Variants in TRPC4 observed in about 807,000 individuals in gnomAD.
TRPC4 encodes transient receptor potential cation channel subfamily C member 4.
Under a neutral mutation model 99.4 loss-of-function variants are expected in TRPC4, and 49 were observed. That is an observed-to-expected ratio of 0.49 (90% confidence interval 0.39 to 0.63). The LOEUF is 0.63. Among genes scored for constraint, TRPC4 ranks in the 20% least tolerant of loss-of-function variants. The pLI is 0.00. For synonymous variants in TRPC4, 454 were observed against 425.9 expected (o/e 1.07, Z -0.81); for missense variants, 898 against 1,152.9 (o/e 0.78, Z 3.20).
chr13:37,671,159 T>C (rs1376075207), intron 5 of TRPC4, among the ~76,000 whole-genome samples: 1 of 152,204 alleles, frequency 6.6e-6, no homozygotes, highest in Non-Finnish European at 1.5e-5. Context: ...ATTAGCTTCT[T>C]GATTCACATA....
intron 3 of TRPC4, among the ~76,000 whole-genome samples, chr13:37,723,927 C>T (rs2139047231): frequency 6.6e-6 from 1 of 152,090 alleles, no homozygotes; most frequent in African/African-American, 2.4e-5. Context: ...TGGAACTATT[C>T]CTTTCTAAAA....
At chr13:37,841,269 A>T (rs1958723037) in intron 1 of TRPC4, among the ~76,000 whole-genome samples, 1 of 152,128 alleles carries the variant, frequency 6.6e-6, no homozygotes, top group Admixed American at 6.6e-5. Flanking sequence ...TGGCATACCC[A>T]TCTATTGAAC....
chr13:37,633,528 T>C lies in TRPC4; in HGVS notation c.*3375A>G, dbSNP rs1261439376. 6.6e-6 allele frequency among the ~76,000 whole-genome samples: 1 copy of C among 152,190 alleles called. No homozygotes were observed. Among genetic ancestry groups the C allele is most frequent in the African/African-American group, 2.4e-5 (1 of 41,462 alleles). On this transcript the variant is annotated 3_prime_UTR_variant, in exon 11 of 11. Coordinates refer to ENST00000379705, the MANE Select transcript of TRPC4 (RefSeq NM_016179.4). Reference sequence around the variant, plus strand: ...GATTATTGAATGTTAGAAGAATATATTCTTATGCTATTGTTACTTATGTTT... The same window carrying C: ...GATTATTGAATGTTAGAAGAATATACTCTTATGCTATTGTTACTTATGTTT...
intron 4 of TRPC4, among the ~76,000 whole-genome samples, chr13:37,679,362 GA>G (rs1246238104): frequency 6.6e-6 from 1 of 152,032 alleles, no homozygotes; most frequent in Non-Finnish European, 1.5e-5. Flanking sequence ...ATTGAGGAAT[GA>G]ATACAGTGAT....
chr13:37,697,516 C>G (rs886688155), intron 3 of TRPC4, among the ~76,000 whole-genome samples: 6 of 152,122 alleles, frequency 3.9e-5, no homozygotes, highest in African/African-American at 1.4e-4. Context: ...TAAGTGTGCT[C>G]AGATGAGAAA....
chr13:37,868,291 G>GTT (rs11390899), intron 1 of TRPC4, among the ~76,000 whole-genome samples: 3 of 151,356 alleles, frequency 2.0e-5, no homozygotes, highest in Admixed American at 6.6e-5. Context: ...TGATCTTATT[G>GTT]TTTTTTTTCC....
At position 37,656,276 on chromosome 13, in the gene TRPC4, G is replaced by A. The variant is rs186434218; in HGVS notation, c.1689-993C>T. On this transcript the variant is annotated intron_variant, in intron 6 of 10. Coordinates refer to ENST00000379705, the MANE Select transcript of TRPC4 (RefSeq NM_016179.4). ...GATGATAGAGATTTCATACTTCTTG[G>A]TAAATCGTTAAAATGAGACTATATT... Among the ~76,000 whole-genome samples the A allele has an allele frequency of 2.6e-5, 4 of 152,158 alleles. No homozygotes were observed. The East Asian group carries it at 7.7e-4, about 29-fold the overall frequency.
intron 3 of TRPC4, among the ~76,000 whole-genome samples, chr13:37,697,444 G>T (rs975167418): frequency 6.6e-6 from 1 of 152,180 alleles, no homozygotes; most frequent in African/African-American, 2.4e-5. Flanking sequence ...TGACAGCTTC[G>T]TAAGTGAATG....
intron 3 of TRPC4, among the ~76,000 whole-genome samples, chr13:37,736,565 C>T (rs1955399676): frequency 6.6e-6 from 1 of 151,850 alleles, no homozygotes; most frequent in Non-Finnish European, 1.5e-5. Flanking sequence ...CAAGTTAATA[C>T]CAAGTATGTA....
intron 1 of TRPC4, among the ~76,000 whole-genome samples, chr13:37,809,909 C>A (rs1047628918): frequency 6.6e-6 from 1 of 151,982 alleles, no homozygotes; most frequent in Non-Finnish European, 1.5e-5. Flanking sequence ...ATATTCAGGG[C>A]TATATCAATT....
At chr13:37,833,488 T>C (rs1958478437) in intron 1 of TRPC4, among the ~76,000 whole-genome samples, 1 of 152,188 alleles carries the variant, frequency 6.6e-6, no homozygotes, top group Non-Finnish European at 1.5e-5. Flanking sequence ...CTAGTGAAGA[T>C]GGGCAGCTGA....
At chr13:37,775,043 A>G (rs563348492) in intron 2 of TRPC4, among the ~76,000 whole-genome samples, 3 of 151,808 alleles carry the variant, frequency 2.0e-5, no homozygotes, top group Admixed American at 6.6e-5. Context: ...CATGTTAATA[A>G]TGGATTAGAG....
At position 37,783,083 on chromosome 13, in the gene TRPC4, T is replaced by G; in HGVS notation, c.251A>C (p.Glu84Ala). 1 of 1,613,398 alleles carries G rather than the reference T, an allele frequency of 6.2e-7. No individual in the cohort carries two copies. The highest frequency in any genetic ancestry group is 8.5e-7 in the Non-Finnish European group (1 of 1,179,742). ...LLIAIENENL[E>A]LIELLLSFNV... ...AAAGCTTAAGAGTAGTTCGATGAGC[T>G]CCAAGTTCTCATTTTCAATTGCAAT... is the stretch of plus-strand genomic sequence containing the variant. The change falls in exon 2 of 11, where the codon GAG becomes GCG. Residue 84 changes from glutamate to alanine, a missense_variant. Physicochemically the swap from Glu to Ala is moderately radical, Grantham distance 107 (BLOSUM62 -1). This residue lies in a region of TRPC4 where 278 missense variants were observed against 346.6 expected (regional missense o/e 0.80). Transcript: ENST00000379705.
intron 3 of TRPC4, among the ~76,000 whole-genome samples, chr13:37,730,438 CA>C (rs1160987662): frequency 1.3e-5 from 2 of 151,752 alleles, no homozygotes; most frequent in Non-Finnish European, 2.9e-5. Flanking sequence ...TGATAATTTC[CA>C]AAAAAATTAA....
At chr13:37,820,679 A>AT (rs1204570419) in intron 1 of TRPC4, among the ~76,000 whole-genome samples, 1 of 152,144 alleles carries the variant, frequency 6.6e-6, no homozygotes, top group East Asian at 1.9e-4. Flanking sequence ...GGAACTAAAA[A>AT]TAAAAATCAC....
chr13:37,800,781 T>C (rs1179717881), intron 1 of TRPC4, among the ~76,000 whole-genome samples: 1 of 151,854 alleles, frequency 6.6e-6, no homozygotes, highest in Non-Finnish European at 1.5e-5. Context: ...ATATAAACCA[T>C]AAAATTATGA....
rs185668789 is a variant in TRPC4 at position 37,653,169 on chromosome 13, A to G, written c.1885-1710T>C. On this transcript the variant is annotated intron_variant, in intron 7 of 10. Transcript: ENST00000379705. ...TTATTTATTGCTTTTTATCTCTACT[A>G]TATCATTTTTTTGTTGAAAACAGGG... Among the ~76,000 whole-genome samples, 226 of 152,190 alleles carry G rather than the reference A, an allele frequency of 1.5e-3. 4 individuals are homozygous for G. The highest frequency in any genetic ancestry group is 2.5e-3 in the Non-Finnish European group (168 of 68,006).
intron 1 of TRPC4, among the ~76,000 whole-genome samples, chr13:37,841,138 G>A (rs932739111): frequency 3.3e-5 from 5 of 152,094 alleles, no homozygotes; most frequent in Middle Eastern, 3.2e-3. Flanking sequence ...GTGATTTACA[G>A]AGGATCACAA....
At chr13:37,678,600 G>T (rs908590011) in intron 4 of TRPC4, among the ~76,000 whole-genome samples, 4 of 152,012 alleles carry the variant, frequency 2.6e-5, no homozygotes, top group African/African-American at 9.7e-5. Flanking sequence ...TAAAGGAAAT[G>T]AACTGGTAGT....
Sources: allele counts gnomAD v4.1 joint callset (sites outside exome capture counted in the v4.1 genomes callset), GRCh38; gene constraint gnomAD v4.1.1; regional missense constraint gnomAD v4.1.1; transcripts MANE v1.5; gene names NCBI Gene and HGNC (gene_info 2026-07-23, HGNC 2026-07-21).